KIF13A: variants seen among roughly 807,000 people sequenced by gnomAD.
KIF13A encodes kinesin-like protein KIF13A.
In KIF13A, 79 loss-of-function variants were observed where a neutral mutation model predicts 212.2. That is an observed-to-expected ratio of 0.37 (90% confidence interval 0.31 to 0.45). The LOEUF is 0.45. Ranked by LOEUF, KIF13A falls within the 20% of genes least tolerant of loss-of-function variation. The pLI is 1.00. For missense variants in KIF13A, 1,901 were observed against 2,209.0 expected (o/e 0.86, Z 2.79); for synonymous variants, 789 against 808.6 (o/e 0.98, Z 0.41).
Position 17,929,557 on chromosome 6 carries a change from T to C in KIF13A, c.147-31377A>G, listed in dbSNP as rs12661175. Among the ~76,000 whole-genome samples the C allele has an allele frequency of 4.2e-3, 631 of 151,432 alleles. 16 individuals carry two copies. The highest frequency in any genetic ancestry group is 0.032 in the Admixed American group (491 of 15,218). On this transcript the variant is annotated intron_variant, in intron 2 of 38. Coordinates refer to ENST00000259711, the MANE Select transcript of KIF13A (RefSeq NM_022113.6). ...CTGGGACTACAGGCGCCCGCCACCATGCCCGGCTAATTTTTTGTATTTTTA... is the reference window on the plus strand; with the variant it reads ...CTGGGACTACAGGCGCCCGCCACCACGCCCGGCTAATTTTTTGTATTTTTA...
chr6:17,833,855 C>CAAAAAAAAAA (rs11358140), intron 12 of KIF13A, 106 bp downstream of exon 12: 65 of 365,482 alleles, frequency 1.8e-4, no homozygotes, highest in South Asian at 3.1e-4. Context: ...GACTCCGTCT[C>CAAAAAAAAAA]AAAAAAAAAA....
At chr6:17,957,212 T>A (rs1778417490) in intron 2 of KIF13A, among the ~76,000 whole-genome samples, 1 of 152,144 alleles carries the variant, frequency 6.6e-6, no homozygotes. Flanking sequence ...TATTCAATCA[T>A]GTCTATATAA....
chr6:17,856,508 T>C lies in KIF13A; in HGVS notation c.221-386A>G, dbSNP rs1470098117. Among the ~76,000 whole-genome samples, 1 of 152,242 alleles carries C rather than the reference T, an allele frequency of 6.6e-6. No individual in the cohort carries two copies. The highest frequency in any genetic ancestry group is 1.5e-5 in the Non-Finnish European group (1 of 68,046). ...ACTGCCACTGAACAAGACCATGTTA[T>C]ACACACCTTGGTATCTCCCTCAGCA... On this transcript the variant is annotated intron_variant, in intron 4 of 38. Transcript: ENST00000259711. The surrounding 1 kb of genome is among the most constrained non-coding windows in gnomAD (Gnocchi z 4.5).
rs962298734 is a variant in KIF13A, at chr6:17,786,774, A to T, written c.3361+1002T>A. 6.6e-6 allele frequency among the ~76,000 whole-genome samples: 1 copy of T among 152,128 alleles called. No homozygotes were observed. Among genetic ancestry groups the T allele is most frequent in the Non-Finnish European group, 1.5e-5 (1 of 68,008 alleles). On this transcript the variant is annotated intron_variant, in intron 27 of 38. Coordinates refer to ENST00000259711, the MANE Select transcript of KIF13A (RefSeq NM_022113.6). The surrounding 1 kb of genome is among the most constrained non-coding windows in gnomAD (Gnocchi z 5.4). ...ACAGTCTAAGTGAGTTTTCATTAGC[A>T]GCCTGAGCACACACACAAGGCGACA...
rs1358716716 is a variant in KIF13A at position 17,794,589 on chromosome 6, T to C, written c.3058A>G (p.Ile1020Val). Reference sequence around the variant, plus strand: ...CTCAGTACCTGTCTAAGTTGAAAGATGCCTCCTGTGTTGACATCTTTTGCC... The same window carrying C: ...CTCAGTACCTGTCTAAGTTGAAAGACGCCTCCTGTGTTGACATCTTTTGCC... ...HQAKDVNTGG[I>V]FQLRQGHSRR... The change falls in exon 24 of 39, where the codon ATC (isoleucine) becomes GTC (valine). Residue 1020 changes from isoleucine to valine, a missense_variant. Transcript: ENST00000259711. This position sits in a 1 kb window ranked among gnomAD's most constrained non-coding sequence, Gnocchi z 4.1. The C allele has an allele frequency of 5.6e-6, 9 of 1,609,198 alleles. No homozygotes were observed. Among genetic ancestry groups the C allele is most frequent in the South Asian group, 5.6e-5 (5 of 89,660 alleles).
Position 17,912,423 on chromosome 6 carries a change from C to A in KIF13A, c.147-14243G>T, listed in dbSNP as rs546613324. 1.4e-4 allele frequency among the ~76,000 whole-genome samples: 22 copies of A among 152,232 alleles called. No homozygotes were observed. The highest frequency in any genetic ancestry group is 2.9e-4 in the Non-Finnish European group (20 of 68,042). ...TGATAACAGCATCAGCCTGCCTGACCTTCCGTAGGACGCAGGTTTGAATCA... is the reference window on the plus strand; with the variant it reads ...TGATAACAGCATCAGCCTGCCTGACATTCCGTAGGACGCAGGTTTGAATCA... On this transcript the variant is annotated intron_variant, in intron 2 of 38. Coordinates refer to ENST00000259711, the MANE Select transcript of KIF13A (RefSeq NM_022113.6). This position sits in a 1 kb window ranked among gnomAD's most constrained non-coding sequence, Gnocchi z 4.2.
intron 2 of KIF13A, among the ~76,000 whole-genome samples, chr6:17,930,073 T>C (rs1382842199): frequency 2.6e-5 from 4 of 152,210 alleles, no homozygotes; most frequent in African/African-American, 9.7e-5. Context: ...AAAGATATCA[T>C]TTGTGAAGTG....
chr6:17,765,919 C>T lies in KIF13A; in HGVS notation c.4582-973G>A, dbSNP rs138335487. Among the ~76,000 whole-genome samples, 124 of 152,336 alleles carry T rather than the reference C, an allele frequency of 8.1e-4. No homozygotes were observed. The East Asian group carries it at 0.022, about 27-fold the overall frequency. On this transcript the variant is annotated intron_variant, in intron 38 of 38. Transcript: ENST00000259711. ...CACTGAACATCCACTACATGGCAGC[C>T]ATTGTCCTAAGGACTTGGAAATAGC...
Position 17,763,935 on chromosome 6 carries a change from T to C in KIF13A, c.*175A>G. ...AAAAAAATCCACTGGTCTTATAATT[T>C]CACAATTGCGTTCTAGTTCCCAAAA... On this transcript the variant is annotated 3_prime_UTR_variant, in exon 39 of 39. Transcript: ENST00000259711. The C allele has an allele frequency of 1.4e-6, 2 of 1,434,958 alleles. No individual in the cohort carries two copies. The highest frequency in any genetic ancestry group is 1.8e-6 in the Non-Finnish European group (2 of 1,098,786). The allele number at this position is 1,434,958 out of a possible 1,614,324, so 88.9% of individuals were successfully genotyped here. A position where few individuals can be genotyped will look rare whatever the true frequency, so the allele number is the denominator to read the frequency against.
At chr6:17,865,860 T>C (rs570924385) in intron 4 of KIF13A, among the ~76,000 whole-genome samples, 75 of 152,324 alleles carry the variant, frequency 4.9e-4, no homozygotes, top group African/African-American at 1.7e-3. Flanking sequence ...AGTCTGGAAG[T>C]CTGGCTTGCA....
Position 17,987,557 on chromosome 6 carries a change from C to G in KIF13A, c.-94G>C. On this transcript the variant is annotated 5_prime_UTR_variant, in exon 1 of 39. Transcript: ENST00000259711. The surrounding 1 kb of genome is among the most constrained non-coding windows in gnomAD (Gnocchi z 7.7). ...GCCGCCGCTGCAGCCGCGCGCCCCT[C>G]GAGCGCGGCCGCCGCCGCTCCGCCG... is the stretch of plus-strand genomic sequence containing the variant. 3 of 615,082 alleles carry G rather than the reference C, an allele frequency of 4.9e-6. No homozygotes were observed. Among genetic ancestry groups the G allele is most frequent in the Non-Finnish European group, 6.1e-6 (3 of 492,270 alleles). The allele number at this position is 615,082 out of a possible 1,614,324, so 38.1% of individuals were successfully genotyped here.
chr6:17,885,679 T>G (rs868217275), intron 3 of KIF13A, among the ~76,000 whole-genome samples: 1 of 152,232 alleles, frequency 6.6e-6, no homozygotes, highest in African/African-American at 2.4e-5. Flanking sequence ...ATTTAATGAA[T>G]AAATCTGAAA....
intron 2 of KIF13A, among the ~76,000 whole-genome samples, chr6:17,922,457 C>T (rs557291508): frequency 5.9e-5 from 9 of 152,032 alleles, no homozygotes; most frequent in Non-Finnish European, 1.0e-4. Flanking sequence ...CAGTTTCACA[C>T]ATCAATGTGG....
intron 2 of KIF13A, among the ~76,000 whole-genome samples, chr6:17,983,172 CAA>C (rs530156481): frequency 2.9e-4 from 22 of 76,650 alleles, no homozygotes; most frequent in African/African-American, 4.2e-4. Context: ...GACTCCATCT[CAA>C]AAAAAAAAAA....
In KIF13A at chr6:17,901,752, T is replaced by C. The variant is rs145424690; in HGVS notation, c.147-3572A>G. ...AAAATTTTAATGTGCCAAATTCATC[T>C]TTTAACAATATGGAAAACAAATGAA... On this transcript the variant is annotated intron_variant, in intron 2 of 38. Transcript: ENST00000259711. Among the ~76,000 whole-genome samples, 848 of 152,372 alleles carry C rather than the reference T, an allele frequency of 5.6e-3. 13 individuals carry two copies. The highest frequency in any genetic ancestry group is 0.019 in the African/African-American group (784 of 41,588).
In KIF13A at chr6:17,777,622, A is replaced by G. The variant is rs371389408; in HGVS notation, c.4093-268T>C. 6.6e-6 allele frequency among the ~76,000 whole-genome samples: 1 copy of G among 152,098 alleles called. No homozygotes were observed. The highest frequency in any genetic ancestry group is 1.5e-5 in the Non-Finnish European group (1 of 67,980). ...TGGTCTTGAACTCCTGAGCTCAGGC[A>G]ATCTGCCCACGTCGGCCTCCCAAAG... On this transcript the variant is annotated intron_variant, in intron 33 of 38. Transcript: ENST00000259711. This position sits in a 1 kb window ranked among gnomAD's most constrained non-coding sequence, Gnocchi z 4.4.
rs1317898352 is a variant in KIF13A, at chr6:17,772,387, CAAGA to C, written c.4325-332_4325-329del. On this transcript the variant is annotated intron_variant, in intron 36 of 38. Transcript: ENST00000259711. The surrounding 1 kb of genome is among the most constrained non-coding windows in gnomAD (Gnocchi z 4.8). ...TGGTGCCACTGCACTCCAGCCCGGG[CAAGA>C]GAGAGAGAGGGAGACCCTGTCTAAA... Among the ~76,000 whole-genome samples, 2 of 151,796 alleles carry C rather than the reference CAAGA, an allele frequency of 1.3e-5. No individual in the cohort carries two copies. Among genetic ancestry groups the C allele is most frequent in the East Asian group, 3.9e-4 (2 of 5,134 alleles).
intron 2 of KIF13A, among the ~76,000 whole-genome samples, chr6:17,924,292 A>G (rs1489266689): frequency 2.6e-5 from 4 of 152,216 alleles, no homozygotes; most frequent in Admixed American, 2.6e-4. Context: ...TTACAATACT[A>G]GTTAGAGCTG....
In KIF13A at chr6:17,805,564, T is replaced by C. The variant is rs1423859782; in HGVS notation, c.2215A>G (p.Ser739Gly). ...PAIQVRRKGK[S>G]TQVWTIEKLE... is the part of the protein sequence containing the mutation. ...TTCTCAATGGTCCACACTTGGGTGC[T>C]CTTTCCTTTCCTCCTCACTTGGATA... Residue 739 changes from serine to glycine, a missense_variant, in exon 19 of 39, where the codon AGC (serine) becomes GGC (glycine). Physicochemically the swap from Ser to Gly is moderately conservative, Grantham distance 56. Coordinates refer to ENST00000259711, the MANE Select transcript of KIF13A (RefSeq NM_022113.6). 1 of 1,613,428 alleles carries C rather than the reference T, an allele frequency of 6.2e-7. No individual in the cohort carries two copies. Among genetic ancestry groups the C allele is most frequent in the Admixed American group, 1.7e-5 (1 of 59,952 alleles).
Sources: gnomAD v4.1 joint callset for allele counts (sites outside exome capture counted in the v4.1 genomes callset) on GRCh38, gnomAD v4.1.1 for gene constraint, Gnocchi (gnomAD v3.1) non-coding constraint, MANE v1.5 for transcripts, NCBI Gene and HGNC (gene_info 2026-07-23, HGNC 2026-07-21) for gene names.